FAM20B: variants seen among roughly 807,000 people sequenced by gnomAD.
FAM20B encodes the protein FAM20B glycosaminoglycan xylosylkinase.
A neutral mutation model predicts 43.8 loss-of-function variants in FAM20B; 23 were observed. That is an observed-to-expected ratio of 0.53 (90% CI 0.38 to 0.74). FAM20B has a LOEUF of 0.74. FAM20B is among the 30% of genes least tolerant of loss of function. The pLI is 0.00. For synonymous variants in FAM20B, 178 were observed against 192.4 expected (o/e 0.93, Z 0.62); for missense variants, 440 against 510.5 (o/e 0.86, Z 1.33).
chr1:179,050,457 C>A, intron 3 of FAM20B, 92 bp downstream of exon 3: 2 of 823,376 alleles, frequency 2.4e-6, no homozygotes, highest in Non-Finnish European at 4.2e-6. Flanking sequence ...AAGGATGCAA[C>A]ACTAATAAAT....
Position 179,041,596 on chromosome 1 carries a change from G to A in FAM20B, c.-133-2119G>A, listed in dbSNP as rs542469243. The stretch of plus-strand genomic sequence containing the variant: ...CAGCAGTACAGTCCAGCTTCGGCTC[G>A]GCATCAGAGGGAGACCGTGGAAAGA... On this transcript the variant is annotated intron_variant, in intron 1 of 7. Coordinates refer to ENST00000263733, the MANE Select transcript of FAM20B (RefSeq NM_014864.4). Among the ~76,000 whole-genome samples, 16 of 150,660 alleles carry A rather than the reference G, an allele frequency of 1.1e-4. No individual in the cohort carries two copies. The East Asian group carries it at 1.4e-3, about 13-fold the overall frequency.
chr1:179,033,734 C>T (rs1322800268), intron 1 of FAM20B, among the ~76,000 whole-genome samples: 1 of 152,092 alleles, frequency 6.6e-6, no homozygotes, highest in East Asian at 1.9e-4. Context: ...TGCTCTGTCA[C>T]CAGGCTGGAG....
the FAM20B span, among the ~76,000 whole-genome samples, chr1:179,020,455 G>A: frequency 2.7e-3 from 407 of 152,296 alleles, 5 homozygotes; most frequent in African/African-American, 9.0e-3. Flanking sequence ...CAGGATGAGC[G>A]CTTGGAGAGA....
chr1:179,052,085 T>C (rs991383080), intron 3 of FAM20B, among the ~76,000 whole-genome samples: 1 of 152,188 alleles, frequency 6.6e-6, no homozygotes, highest in African/African-American at 2.4e-5. Flanking sequence ...ATAATGAACT[T>C]ATATAGCAAG....
chr1:179,065,993 T>C (rs1457618728), intron 6 of FAM20B, among the ~76,000 whole-genome samples: 8 of 152,206 alleles, frequency 5.3e-5, no homozygotes, highest in Admixed American at 4.6e-4. Context: ...ATCCCGTTCA[T>C]GTGGGCTCTT....
At chr1:179,027,823 C>G (rs1420425059) in intron 1 of FAM20B, among the ~76,000 whole-genome samples, 3 of 152,200 alleles carry the variant, frequency 2.0e-5, no homozygotes, top group Admixed American at 2.0e-4. Context: ...AACTAGAAAA[C>G]ACATACACTG....
intron 3 of FAM20B, among the ~76,000 whole-genome samples, 179 bp from the exon 4 acceptor site, chr1:179,054,350 A>G (rs1415279998): frequency 2.6e-5 from 4 of 152,210 alleles, no homozygotes; most frequent in Non-Finnish European, 5.9e-5. Context: ...GTATATTAAA[A>G]TAAATTATAC....
chr1:179,041,075 C>T (rs1386596378), intron 1 of FAM20B, among the ~76,000 whole-genome samples: 1 of 142,380 alleles, frequency 7.0e-6, no homozygotes, highest in African/African-American at 2.8e-5. Context: ...GGAAGAGGCG[C>T]CTCCTCACTT....
At chr1:179,029,961 G>T (rs1163032446) in intron 1 of FAM20B, among the ~76,000 whole-genome samples, 1 of 152,182 alleles carries the variant, frequency 6.6e-6, no homozygotes, top group Non-Finnish European at 1.5e-5. Context: ...TGTCCACTGT[G>T]CTTTTTGAAT....
chr1:179,066,599 A>ATGTTGTTGTT (rs1651698688), intron 6 of FAM20B, among the ~76,000 whole-genome samples: 2 of 152,242 alleles, frequency 1.3e-5, no homozygotes, highest in East Asian at 3.9e-4. Context: ...ATTTGTTGTC[A>ATGTTGTTGTT]GATATTTTAG....
chr1:179,055,558 A>C (rs540890260), intron 4 of FAM20B, among the ~76,000 whole-genome samples: 2 of 152,316 alleles, frequency 1.3e-5, no homozygotes, highest in East Asian at 3.9e-4. Flanking sequence ...ATATTGTATC[A>C]GATATTTGTT....
At position 179,043,951 on chromosome 1, in the gene FAM20B, G is replaced by A. The variant is rs146067221; in HGVS notation, c.104G>A (p.Arg35Gln). 36 of 1,614,014 alleles carry A rather than the reference G, an allele frequency of 2.2e-5. No individual in the cohort carries two copies. The highest frequency in any genetic ancestry group is 6.7e-5 in the African/African-American group (5 of 75,004). Residue 35 changes from arginine (R) to glutamine (Q), a missense_variant, in exon 2 of 8, where the codon CGG becomes CAG. Transcript: ENST00000263733. ...IDNLDTSAANREDQRAFHRMM... is the reference protein window; with the variant it reads ...IDNLDTSAANQEDQRAFHRMM... ...AACTTAGATACATCAGCTGCCAACC[G>A]GGAGGACCAGAGGGCCTTTCACCGA...
At position 179,064,302 on chromosome 1, in the gene FAM20B, C is replaced by T; in HGVS notation, c.747-3C>T. 1 of 1,599,386 alleles carries T rather than the reference C, an allele frequency of 6.3e-7. No individual in the cohort carries two copies. The highest frequency in any genetic ancestry group is 8.6e-7 in the Non-Finnish European group (1 of 1,169,492). ...TCAGTGCTGTGATGCTGCTTGTCTC[C>T]AGGTGGGAGTATGATGAGAGCTACT... On this transcript the variant is annotated splice_polypyrimidine_tract_variant and splice_region_variant and intron_variant, in intron 5 of 7. Coordinates refer to ENST00000263733, the MANE Select transcript of FAM20B (RefSeq NM_014864.4).
intron 3 of FAM20B, among the ~76,000 whole-genome samples, chr1:179,051,122 TAAA>T (rs71108087): frequency 6.4e-5 from 9 of 140,758 alleles, no homozygotes; most frequent in Admixed American, 7.1e-5. Flanking sequence ...ACTCTGTCTT[TAAA>T]AAAAAAAAAA....
At chr1:179,060,101 A>T (rs1570808) in intron 4 of FAM20B, among the ~76,000 whole-genome samples, 10,278 of 151,360 alleles carry the variant, frequency 0.068, 391 homozygotes, top group African/African-American at 0.085. Flanking sequence ...ATATATATAT[A>T]TTTTTTTATT....
chr1:179,026,583 G>C (rs1051371063), intron 1 of FAM20B, among the ~76,000 whole-genome samples: 7 of 152,210 alleles, frequency 4.6e-5, no homozygotes, highest in African/African-American at 1.7e-4. Context: ...CCCGCCTCGT[G>C]GCCGGGAAGC....
rs559586165 is a variant in FAM20B at position 179,025,943 on chromosome 1, G to A, written c.-289G>A. On this transcript the variant is annotated 5_prime_UTR_variant, in exon 1 of 8. Transcript: ENST00000263733. The stretch of plus-strand genomic sequence containing the variant: ...GGCGAGAGGTGGCCTGGGAATGGCC[G>A]GGCCGGGGGTGGGCCGGAGCCGCTG... 1 of 147,464 alleles carries A rather than the reference G, an allele frequency of 6.8e-6. No homozygotes were observed. The highest frequency in any genetic ancestry group is 1.5e-5 in the Non-Finnish European group (1 of 65,842). The allele number at this position is 147,464 out of a possible 1,614,324, so 9.1% of individuals were successfully genotyped here.
chr1:179,064,199 G>A (rs1054109362), intron 5 of FAM20B, 101 bp downstream of exon 5: 9 of 1,415,040 alleles, frequency 6.4e-6, no homozygotes, highest in Non-Finnish European at 8.8e-6. Context: ...GAAAAGAACT[G>A]TGGAGTCAGG....
chr1:179,018,380 C>T, the FAM20B span, among the ~76,000 whole-genome samples: 1 of 152,128 alleles, frequency 6.6e-6, no homozygotes, highest in Non-Finnish European at 1.5e-5. Context: ...AATCTCAGCT[C>T]ACTGCAAACT....
Sources: gnomAD v4.1 joint callset for allele counts (sites outside exome capture counted in the v4.1 genomes callset) on GRCh38, gnomAD v4.1.1 for gene constraint, MANE v1.5 for transcripts, NCBI Gene and HGNC (gene_info 2026-07-23, HGNC 2026-07-21) for gene names.